The following CALN1 variants were observed in gnomAD, a reference collection of about 807,000 sequenced individuals.
CALN1 encodes calneuron 1, also known as calcium-binding protein 8.
In CALN1, 17 loss-of-function variants were observed where a neutral mutation model predicts 30.6. The observed-to-expected ratio is 0.56, with a 90% confidence interval of 0.38 to 0.83. The LOEUF (loss-of-function observed/expected upper bound fraction) is 0.83, where lower values mean the gene tolerates loss of function less well. CALN1 is among the 40% of genes least tolerant of loss of function. The probability of loss-of-function intolerance (pLI) is 0.00; values close to 1 mark genes in which losing one functional copy is unlikely to be tolerated. For synonymous variants in CALN1, 156 were observed against 131.4 expected (o/e 1.19, Z -1.28); for missense variants, 291 against 354.9 (o/e 0.82, Z 1.45).
chr7:72,041,429 G>A (rs1380428773), intron 4 of CALN1, among the ~76,000 whole-genome samples: 2 of 151,956 alleles, frequency 1.3e-5, no homozygotes, highest in South Asian at 2.1e-4. Context: ...TGTTGCCCAG[G>A]CTAGAGTGCA....
chr7:72,261,164 C>T (rs1796246699), intron 3 of CALN1, among the ~76,000 whole-genome samples: 1 of 152,048 alleles, frequency 6.6e-6, no homozygotes, highest in Non-Finnish European at 1.5e-5. Flanking sequence ...AAAAATTCGC[C>T]AGGTGTGGTG....
At chr7:72,191,157 A>C (rs1223339936) in intron 3 of CALN1, among the ~76,000 whole-genome samples, 2 of 152,242 alleles carry the variant, frequency 1.3e-5, no homozygotes, top group African/African-American at 4.8e-5. Flanking sequence ...GAATAAAGTC[A>C]TGCGAGCAGG....
chr7:72,218,132 C>G (rs73143215), intron 3 of CALN1, among the ~76,000 whole-genome samples: 107,011 of 151,134 alleles, frequency 0.71, 38,542 homozygotes, highest in East Asian at 1. Context: ...GTGAGCCACC[C>G]CGCTCCGCCA....
At chr7:72,293,790 A>G (rs984464618) in intron 2 of CALN1, among the ~76,000 whole-genome samples, 3 of 152,190 alleles carry the variant, frequency 2.0e-5, no homozygotes, top group African/African-American at 7.2e-5. Flanking sequence ...TGCTCTGAGC[A>G]TTCAGGTAGA....
intron 2 of CALN1, among the ~76,000 whole-genome samples, chr7:72,346,690 T>C (rs964092509): frequency 2.0e-5 from 3 of 152,100 alleles, no homozygotes; most frequent in South Asian, 2.1e-4. Context: ...TAATTTTGTG[T>C]ATTTTTAGTA....
intron 5 of CALN1, among the ~76,000 whole-genome samples, chr7:71,823,750 A>C (rs988901074): frequency 1.3e-5 from 2 of 151,992 alleles, no homozygotes; most frequent in African/African-American, 4.8e-5. Flanking sequence ...TAATAAAAAG[A>C]AAAGAAAAAG....
At chr7:71,865,101 A>C (rs914486530) in intron 5 of CALN1, among the ~76,000 whole-genome samples, 61 of 152,308 alleles carry the variant, frequency 4.0e-4, no homozygotes, top group African/African-American at 1.4e-3. Context: ...ATGCACCAAT[A>C]AAATCTGATT....
intron 5 of CALN1, among the ~76,000 whole-genome samples, chr7:71,967,814 CAAT>C (rs759496436): frequency 2.6e-5 from 4 of 151,976 alleles, no homozygotes; most frequent in Non-Finnish European, 4.4e-5. Context: ...ACAAAAACCA[CAAT>C]GAGATGCCAC....
chr7:72,432,737 C>A (rs57328273), intron 1 of CALN1, among the ~76,000 whole-genome samples: 13,290 of 152,172 alleles, frequency 0.087, 714 homozygotes, highest in African/African-American at 0.13. Flanking sequence ...ATAAATGGAT[C>A]CTAAATGTTG....
rs58641413 is a variant in CALN1, at chr7:72,329,911, G to A, written c.120-51101C>T. On this transcript the variant is annotated intron_variant, in intron 2 of 6. Transcript: ENST00000395275. ...AGAGCTTGCAGTGAGCCGAGATCGC[G>A]CCACTGCATTCCAGCCTGGGCAACA... 9.6e-3 allele frequency among the ~76,000 whole-genome samples: 1,455 copies of A among 152,162 alleles called. 20 individuals carry two copies. The highest frequency in any genetic ancestry group is 0.031 in the African/African-American group (1,301 of 41,514).
At chr7:72,254,776 C>A (rs1023441530) in intron 3 of CALN1, among the ~76,000 whole-genome samples, 2 of 151,972 alleles carry the variant, frequency 1.3e-5, no homozygotes, top group African/African-American at 2.4e-5. Context: ...TCTTTCCCCC[C>A]CGCTGAGACA....
chr7:72,381,159 G>T (rs1348626147), intron 2 of CALN1, among the ~76,000 whole-genome samples: 1 of 152,214 alleles, frequency 6.6e-6, no homozygotes, highest in Non-Finnish European at 1.5e-5. Context: ...GTTGATAAAT[G>T]TGTATTAAAT....
intron 3 of CALN1, among the ~76,000 whole-genome samples, chr7:72,168,802 A>ATTTT (rs1235129816): frequency 2.6e-5 from 3 of 114,446 alleles, no homozygotes; most frequent in African/African-American, 3.7e-5. Context: ...TATTATTATT[A>ATTTT]TTATTTTTTT....
At chr7:72,375,963 GTT>G (rs1804531403) in intron 2 of CALN1, among the ~76,000 whole-genome samples, 1 of 152,020 alleles carries the variant, frequency 6.6e-6, no homozygotes, top group African/African-American at 2.4e-5. Context: ...ACCTTGATGG[GTT>G]TGCCTATTCT....
chr7:72,422,216 A>G (rs1807634718), intron 1 of CALN1, among the ~76,000 whole-genome samples: 1 of 152,196 alleles, frequency 6.6e-6, no homozygotes, highest in Non-Finnish European at 1.5e-5. Context: ...TGTTTTCCAT[A>G]GTGGCCGTAC....
intron 3 of CALN1, among the ~76,000 whole-genome samples, chr7:72,137,879 A>T (rs1180126981): frequency 6.6e-6 from 1 of 152,222 alleles, no homozygotes; most frequent in East Asian, 1.9e-4. Context: ...TAAATATAGC[A>T]TATCTATTTG....
chr7:72,435,029 C>T (rs867233809), intron 1 of CALN1, among the ~76,000 whole-genome samples: 2 of 152,104 alleles, frequency 1.3e-5, no homozygotes, highest in Admixed American at 6.5e-5. Flanking sequence ...GGTTGTGAGA[C>T]CAGCCTGAGC....
intron 5 of CALN1, among the ~76,000 whole-genome samples, chr7:71,878,526 G>T (rs1384663609): frequency 6.6e-6 from 1 of 152,158 alleles, no homozygotes. Context: ...GGGAACATCA[G>T]ACCAGACCCC....
rs1324417810 is a variant in CALN1, at chr7:72,324,561, TTTATTTA to T, written c.120-45758_120-45752del. On this transcript the variant is annotated intron_variant, in intron 2 of 6. Transcript: ENST00000395275. ...TTTTCCCTCCTTTTAAATGATGTAA[TTTATTTA>T]TTTATTTATTTATTTATTTATTTAT... Among the ~76,000 whole-genome samples, 77 of 15,292 alleles carry T rather than the reference TTTATTTA, an allele frequency of 5.0e-3. 1 individual carries two copies. In the South Asian group the frequency reaches 0.069, roughly 14 times the overall value. The allele number at this position is 15,292 out of a possible 152,430, so 10.0% of individuals were successfully genotyped here.
Sources: allele counts gnomAD v4.1 joint callset (sites outside exome capture counted in the v4.1 genomes callset), GRCh38; gene constraint gnomAD v4.1.1; transcripts MANE v1.5; gene names NCBI Gene and HGNC (gene_info 2026-07-23, HGNC 2026-07-21).